The following AKR1C3 variants were observed in gnomAD, a reference collection of about 807,000 sequenced individuals.
AKR1C3 encodes the protein aldo-keto reductase family 1 member C3.
A neutral mutation model predicts 43.6 loss-of-function variants in AKR1C3; 48 were observed. The observed-to-expected ratio is 1.10, with a 90% CI of 0.87 to 1.40. The LOEUF (loss-of-function observed/expected upper bound fraction) is 1.40. AKR1C3 is among the 40% of genes most tolerant of loss of function. The pLI is 0.00. For missense variants in AKR1C3, 482 were observed against 391.2 expected, an observed-to-expected ratio of 1.23 and a Z score of -1.96; for synonymous variants, 162 against 139.6, an observed-to-expected ratio of 1.16 and a Z score of -1.13.
chr10:5,078,953 G>T (rs111537719), intron 1 of AKR1C3, among the ~76,000 whole-genome samples: 1 of 152,098 alleles, frequency 6.6e-6, no homozygotes, highest in African/African-American at 2.4e-5. Flanking sequence ...CTCACTAGAC[G>T]TGTTCATGTA....
At chr10:5,105,404 T>C (rs1839475093) in intron 7 of AKR1C3, 191 bp from the exon 8 acceptor site, 2 of 487,472 alleles carry the variant, frequency 4.1e-6, no homozygotes, top group Admixed American at 3.5e-5. Context: ...CAATACATAA[T>C]ATCTAGGAAT....
intron 1 of AKR1C3, among the ~76,000 whole-genome samples, chr10:5,065,808 C>A (rs1838489148): frequency 6.6e-6 from 1 of 152,006 alleles, no homozygotes; most frequent in Non-Finnish European, 1.5e-5. Context: ...TTCCCTGCCT[C>A]CAGACATTAT....
intron 5 of AKR1C3, 138 bp from the exon 6 acceptor site, chr10:5,101,963 G>T (rs1420746067): frequency 3.4e-6 from 2 of 586,760 alleles, no homozygotes; most frequent in East Asian, 2.9e-5. Flanking sequence ...TATGAAAAAG[G>T]TTATTACTTG....
intron 1 of AKR1C3, among the ~76,000 whole-genome samples, chr10:5,060,483 C>G (rs1554780098): frequency 6.6e-6 from 1 of 152,184 alleles, no homozygotes; most frequent in Admixed American, 6.5e-5. Flanking sequence ...TTCACAAACC[C>G]TGAGTTAGAC....
At chr10:5,071,787 C>T (rs1838615989) in intron 1 of AKR1C3, among the ~76,000 whole-genome samples, 1 of 152,202 alleles carries the variant, frequency 6.6e-6, no homozygotes, top group Non-Finnish European at 1.5e-5. Flanking sequence ...AGTTAGCAAA[C>T]CCAGAGGGAC....
chr10:5,101,193 G>A (rs1162217050), intron 5 of AKR1C3, among the ~76,000 whole-genome samples: 1 of 152,080 alleles, frequency 6.6e-6, no homozygotes, highest in African/African-American at 2.4e-5. Flanking sequence ...TATAATCATA[G>A]GTTTCCCATT....
chr10:5,086,032 G>C (rs1554783040), intron 1 of AKR1C3, among the ~76,000 whole-genome samples: 1 of 151,660 alleles, frequency 6.6e-6, no homozygotes, highest in Non-Finnish European at 1.5e-5. Context: ...ACCAGCTCCT[G>C]GTTTCATTAA....
chr10:5,060,369 C>A (rs1164735255), intron 1 of AKR1C3, among the ~76,000 whole-genome samples: 1 of 152,056 alleles, frequency 6.6e-6, no homozygotes, highest in East Asian at 1.9e-4. Context: ...GCTGATTGGT[C>A]CGTTTTGATG....
intron 3 of AKR1C3, 102 bp downstream of exon 3, chr10:5,097,652 T>A: frequency 6.3e-7 from 1 of 1,591,850 alleles, no homozygotes; most frequent in Non-Finnish European, 8.5e-7. Flanking sequence ...GATGTAGGGA[T>A]TATCACACAG....
chr10:5,073,069 T>G (rs1838644862), intron 1 of AKR1C3, among the ~76,000 whole-genome samples: 1 of 152,132 alleles, frequency 6.6e-6, no homozygotes, highest in African/African-American at 2.4e-5. Flanking sequence ...GTTCAAGTGA[T>G]TCACATGCCT....
intron 1 of AKR1C3, among the ~76,000 whole-genome samples, chr10:5,068,646 A>G (rs1838558884): frequency 6.6e-6 from 1 of 152,176 alleles, no homozygotes; most frequent in Non-Finnish European, 1.5e-5. Flanking sequence ...TTGTGTTCTG[A>G]TAAGATTAGA....
At chr10:5,082,602 G>A (rs1158446075) in intron 1 of AKR1C3, among the ~76,000 whole-genome samples, 5 of 151,976 alleles carry the variant, frequency 3.3e-5, no homozygotes, top group African/African-American at 1.2e-4. Context: ...CATGTTCAGT[G>A]ATTTGTGTAT....
At chr10:5,075,123 C>A (rs1436464808) in intron 1 of AKR1C3, among the ~76,000 whole-genome samples, 4 of 152,122 alleles carry the variant, frequency 2.6e-5, no homozygotes, top group Non-Finnish European at 5.9e-5. Flanking sequence ...CTCTGCTAGC[C>A]AGGCCTCCTC....
At chr10:5,094,296 T>G, upstream of AKR1C3, 1 of 749,746 alleles carries the variant, frequency 1.3e-6, no homozygotes, top group South Asian at 1.4e-5. Context: ...ACAGACCATA[T>G]AAGACTGCCT....
intron 8 of AKR1C3, among the ~76,000 whole-genome samples, chr10:5,106,277 C>T (rs1839498114): frequency 6.6e-6 from 1 of 152,126 alleles, no homozygotes. Flanking sequence ...TCCTTGATTT[C>T]CTGCAATATG....
intron 5 of AKR1C3, among the ~76,000 whole-genome samples, chr10:5,100,545 C>G (rs1007336312): frequency 2.6e-5 from 4 of 152,114 alleles, no homozygotes; most frequent in African/African-American, 9.7e-5. Flanking sequence ...CCTCCTTGAT[C>G]AAATTGACTT....
In AKR1C3 at chr10:5,055,010, A is replaced by T. The variant is rs554616900; in HGVS notation, c.84+6115A>T. On this transcript the variant is annotated intron_variant, in intron 1 of 8. Coordinates refer to the AKR1C3 transcript ENST00000439082. ...ACTCCCTTTCTTTCCACATTGCAGC[A>T]TGGGCACGCAGGATTAGATAAGCAT... Among the ~76,000 whole-genome samples the T allele has an allele frequency of 2.0e-5, 3 of 152,376 alleles. No individual in the cohort carries two copies. In the South Asian group the frequency reaches 6.2e-4, roughly 32 times the overall value.
In AKR1C3 at chr10:5,061,226, A is replaced by G. The variant is rs140342569; in HGVS notation, c.84+12331A>G. On this transcript the variant is annotated intron_variant, in intron 1 of 8. Transcript: ENST00000439082. ...CTCTCAGTGGGAGATGATGACAACCATTTTGCAGACCTTTTTGAGGTGGGC... is the reference window on the plus strand; with the variant it reads ...CTCTCAGTGGGAGATGATGACAACCGTTTTGCAGACCTTTTTGAGGTGGGC... 2.1e-3 allele frequency among the ~76,000 whole-genome samples: 313 copies of G among 152,220 alleles called. 1 individual carries two copies. Among genetic ancestry groups the G allele is most frequent in the African/African-American group, 7.1e-3 (294 of 41,536 alleles).
At chr10:5,053,033 C>CA (rs1157818613) in intron 1 of AKR1C3, among the ~76,000 whole-genome samples, 20 of 152,352 alleles carry the variant, frequency 1.3e-4, no homozygotes, top group African/African-American at 4.1e-4. Context: ...CTTAGCTAGA[C>CA]ATAAAGGTTC....
Sources: gnomAD v4.1 joint callset for allele counts (sites outside exome capture counted in the v4.1 genomes callset) on GRCh38, gnomAD v4.1.1 for gene constraint, MANE v1.5 for transcripts, NCBI Gene and HGNC (gene_info 2026-07-23, HGNC 2026-07-21) for gene names.